The following WWOX variants were observed in gnomAD, a reference collection of about 807,000 sequenced individuals.
WWOX encodes WW domain-containing oxidoreductase.
Under a neutral mutation model 46.2 loss-of-function variants are expected in WWOX, and 69 were observed. The ratio of observed to expected loss-of-function variants is 1.49; its 90% confidence interval spans 1.23 to 1.82. The LOEUF (loss-of-function observed/expected upper bound fraction) is 1.82, where lower values mean the gene tolerates loss of function less well. WWOX is among the 40% of genes most tolerant of loss of function. The pLI is 0.00. For missense variants in WWOX, 919 were observed against 542.6 expected (o/e 1.69, Z -6.89); for synonymous variants, 359 against 202.6 (o/e 1.77, Z -6.56).
intron 8 of WWOX, among the ~76,000 whole-genome samples, chr16:78,820,747 T>C (rs912043923): frequency 3.3e-5 from 5 of 152,162 alleles, no homozygotes; most frequent in African/African-American, 1.2e-4. Flanking sequence ...CATTGTTTCA[T>C]GGTTTTGGTG....
At chr16:78,814,257 T>A (rs943153424) in intron 8 of WWOX, among the ~76,000 whole-genome samples, 1 of 152,218 alleles carries the variant, frequency 6.6e-6, no homozygotes, top group African/African-American at 2.4e-5. Flanking sequence ...TTTTCATCTT[T>A]CTGGAATTTT....
At chr16:78,710,504 A>ATT (rs2048421404) in intron 8 of WWOX, among the ~76,000 whole-genome samples, 1 of 138,554 alleles carries the variant, frequency 7.2e-6, no homozygotes, top group African/African-American at 2.7e-5. Context: ...ATATATTTAT[A>ATT]TAAATATATT....
At chr16:78,663,294 G>T (rs1457771866) in intron 8 of WWOX, among the ~76,000 whole-genome samples, 1 of 152,100 alleles carries the variant, frequency 6.6e-6, no homozygotes, top group Non-Finnish European at 1.5e-5. Flanking sequence ...TTCAAGGTTT[G>T]TGTTATTTCA....
At chr16:78,801,266 T>C (rs79669207) in intron 8 of WWOX, among the ~76,000 whole-genome samples, 1 of 152,128 alleles carries the variant, frequency 6.6e-6, no homozygotes, top group Admixed American at 6.5e-5. Context: ...TCCCAGCTCT[T>C]TGGGAGGCCA....
chr16:79,070,268 ATGTGTGTGTGTGTGTG>A (rs4035490), intron 8 of WWOX, among the ~76,000 whole-genome samples: 3 of 145,096 alleles, frequency 2.1e-5, no homozygotes, highest in South Asian at 2.3e-4. Flanking sequence ...TGTGTTTCTG[ATGTGTGTGTGTGTGTG>A]TGTGTGTGTG....
intron 8 of WWOX, among the ~76,000 whole-genome samples, chr16:78,913,467 T>G (rs909832434): frequency 6.6e-6 from 1 of 151,940 alleles, no homozygotes; most frequent in African/African-American, 2.4e-5. Flanking sequence ...GCAGTCTTGA[T>G]GTGAACAAGC....
chr16:78,685,609 A>T (rs919792959), intron 8 of WWOX, among the ~76,000 whole-genome samples: 1 of 152,248 alleles, frequency 6.6e-6, no homozygotes, highest in Non-Finnish European at 1.5e-5. Flanking sequence ...TTCTGTGTAT[A>T]TTTCACATGG....
At chr16:78,787,742 A>C (rs1376682867) in intron 8 of WWOX, among the ~76,000 whole-genome samples, 2 of 152,156 alleles carry the variant, frequency 1.3e-5, no homozygotes, top group South Asian at 4.2e-4. Flanking sequence ...GGAGCCACCA[A>C]ATTGTTTTCC....
At chr16:78,494,951 C>A (rs5019442) in intron 8 of WWOX, among the ~76,000 whole-genome samples, 1 of 151,624 alleles carries the variant, frequency 6.6e-6, no homozygotes, top group Admixed American at 6.6e-5. Context: ...TGCAACCCAG[C>A]TCACCGCCAT....
intron 8 of WWOX, among the ~76,000 whole-genome samples, chr16:78,802,928 A>C (rs1192778519): frequency 1.8e-5 from 2 of 110,762 alleles, no homozygotes; most frequent in Non-Finnish European, 3.7e-5. Context: ...AAAAAAAAAA[A>C]AAAAAAAAAA....
intron 5 of WWOX, among the ~76,000 whole-genome samples, chr16:78,193,039 A>G (rs1248342166): frequency 6.6e-6 from 1 of 152,212 alleles, no homozygotes; most frequent in Non-Finnish European, 1.5e-5. Context: ...TCCTGGGCTC[A>G]GCTTCTCACA....
chr16:78,928,275 T>C (rs866871329), intron 8 of WWOX, among the ~76,000 whole-genome samples: 35 of 149,464 alleles, frequency 2.3e-4, no homozygotes, highest in African/African-American at 7.7e-4. Context: ...CGATCTCGGC[T>C]CACTGCAAGC....
At chr16:78,112,840 C>T (rs1235854522) in intron 3 of WWOX, among the ~76,000 whole-genome samples, 1 of 151,946 alleles carries the variant, frequency 6.6e-6, no homozygotes, top group Non-Finnish European at 1.5e-5. Flanking sequence ...GCTGGGACTA[C>T]AGGCTCATGC....
At chr16:78,995,372 G>C (rs527237574) in intron 8 of WWOX, among the ~76,000 whole-genome samples, 2 of 152,140 alleles carry the variant, frequency 1.3e-5, no homozygotes, top group African/African-American at 4.8e-5. Flanking sequence ...TGTGGACTGC[G>C]TTCTTTGGGG....
At chr16:78,822,518 A>G (rs983596825) in intron 8 of WWOX, among the ~76,000 whole-genome samples, 2 of 152,020 alleles carry the variant, frequency 1.3e-5, no homozygotes, top group Non-Finnish European at 2.9e-5. Flanking sequence ...AACAAAAACA[A>G]ACAAAAATCT....
chr16:79,186,076 G>C (rs1388147527), intron 8 of WWOX, among the ~76,000 whole-genome samples: 2 of 152,028 alleles, frequency 1.3e-5, no homozygotes, highest in Admixed American at 1.3e-4. Flanking sequence ...AAATGATGTT[G>C]GGTGTTTTCT....
chr16:78,634,483 A>G (rs192302399), intron 8 of WWOX, among the ~76,000 whole-genome samples: 1 of 152,046 alleles, frequency 6.6e-6, no homozygotes, highest in South Asian at 2.1e-4. Context: ...CGAGGCGGGC[A>G]GATCACAAGG....
intron 8 of WWOX, among the ~76,000 whole-genome samples, chr16:78,829,158 A>C (rs2051744327): frequency 6.6e-6 from 1 of 152,188 alleles, no homozygotes; most frequent in African/African-American, 2.4e-5. Flanking sequence ...ATAGGCAGAC[A>C]GATAGCTAGA....
chr16:79,074,861 T>C (rs978950999), intron 8 of WWOX, among the ~76,000 whole-genome samples: 1 of 146,908 alleles, frequency 6.8e-6, no homozygotes, highest in African/African-American at 2.6e-5. Context: ...CTTTTGATTT[T>C]AGTTTTTAGA....
Sources: allele counts gnomAD v4.1 joint callset (sites outside exome capture counted in the v4.1 genomes callset), GRCh38; gene constraint gnomAD v4.1.1; transcripts MANE v1.5; gene names NCBI Gene and HGNC (gene_info 2026-07-23, HGNC 2026-07-21).